Variants in SMAD2 observed in about 807,000 individuals in gnomAD.
SMAD2 encodes the protein MAD homolog 2.
A neutral mutation model predicts 64.4 loss-of-function variants in SMAD2; 8 were observed. The observed-to-expected ratio is 0.12, with a 90% CI of 0.07 to 0.22. The LOEUF is 0.22. SMAD2 is among the 10% of genes least tolerant of loss of function. SMAD2 has a pLI of 1.00. For synonymous variants in SMAD2, 203 were observed against 195.8 expected, an observed-to-expected ratio of 1.04 and a Z score of -0.31; for missense variants, 289 against 561.2, an observed-to-expected ratio of 0.51 and a Z score of 4.90.
At chr18:47,869,166 G>T in intron 4 of SMAD2, 77 bp downstream of exon 4, 1 of 1,035,652 alleles carries the variant, frequency 9.7e-7, no homozygotes, top group African/African-American at 1.6e-5. Flanking sequence ...AATTTTCCTG[G>T]GTCACAAGAG....
intron 2 of SMAD2, among the ~76,000 whole-genome samples, chr18:47,894,807 G>A (rs1323274128): frequency 1.3e-5 from 2 of 152,114 alleles, no homozygotes; most frequent in African/African-American, 2.4e-5. Flanking sequence ...GAGCACACCA[G>A]GCACATAGTG....
At chr18:47,912,981 G>A (rs931948894) in intron 1 of SMAD2, among the ~76,000 whole-genome samples, 17 of 151,098 alleles carry the variant, frequency 1.1e-4, no homozygotes, top group South Asian at 2.1e-4. Flanking sequence ...GTGCAATGGC[G>A]TGACCTCAGC....
At chr18:47,850,200 A>G (rs1337584473) in intron 7 of SMAD2, among the ~76,000 whole-genome samples, 2 of 95,118 alleles carry the variant, frequency 2.1e-5, no homozygotes, top group African/African-American at 4.3e-5. Flanking sequence ...TATATAGTAT[A>G]TATATATTAT....
chr18:47,847,700 CAAA>C (rs58794971), intron 8 of SMAD2, among the ~76,000 whole-genome samples: 21 of 111,932 alleles, frequency 1.9e-4, no homozygotes, highest in African/African-American at 7.4e-4. Context: ...ATTTCCAAAG[CAAA>C]AAAAAAAAAA....
rs143906994 is a variant in SMAD2, at chr18:47,923,335, G to C, written c.-54+7026C>G. On this transcript the variant is annotated intron_variant, in intron 1 of 10. Transcript: ENST00000262160. ...ACTAATACCACGTCAATTCACGTGA[G>C]TGGGGTCCTCAGGCCATAAAAGCTC... 8.4e-3 allele frequency among the ~76,000 whole-genome samples: 1,273 copies of C among 152,294 alleles called. 8 individuals are homozygous for C. Among genetic ancestry groups the C allele is most frequent in the African/African-American group, 0.029 (1,216 of 41,530 alleles).
rs752903035 is a variant in SMAD2, at chr18:47,868,314, C to T, written c.655+9G>A. On this transcript the variant is annotated intron_variant, in intron 5 of 10. Transcript: ENST00000262160. ...TCCAAGTTTTAGGAGATTCAGAAGG[C>T]AAAAATACCTGGAATATAATTACTC... 6.2e-7 allele frequency: 1 copy of T among 1,611,912 alleles called. No individual in the cohort carries two copies. Among genetic ancestry groups the T allele is most frequent in the South Asian group, 1.1e-5 (1 of 91,028 alleles).
chr18:47,906,076 T>C (rs955672151), intron 1 of SMAD2, among the ~76,000 whole-genome samples: 3 of 151,316 alleles, frequency 2.0e-5, no homozygotes, highest in African/African-American at 4.9e-5. Context: ...GATCACTCCA[T>C]TGCACTCCAG....
intron 2 of SMAD2, among the ~76,000 whole-genome samples, chr18:47,872,941 G>A (rs1377942569): frequency 3.9e-5 from 6 of 151,996 alleles, no homozygotes; most frequent in South Asian, 2.1e-4. Flanking sequence ...GGCTTACTGC[G>A]GCCTTGACCT....
chr18:47,879,361 C>A (rs930819538), intron 2 of SMAD2, among the ~76,000 whole-genome samples: 1 of 152,112 alleles, frequency 6.6e-6, no homozygotes, highest in African/African-American at 2.4e-5. Context: ...CAGAGGCAAC[C>A]ACTAATCTGA....
chr18:47,885,372 T>G (rs1463463638), intron 2 of SMAD2, among the ~76,000 whole-genome samples: 1 of 152,132 alleles, frequency 6.6e-6, no homozygotes, highest in Non-Finnish European at 1.5e-5. Context: ...TTCACTATGT[T>G]GGCCAGGCTG....
chr18:47,901,825 CTTTGTT>C (rs1189744386), intron 1 of SMAD2, among the ~76,000 whole-genome samples: 1 of 152,108 alleles, frequency 6.6e-6, no homozygotes, highest in Non-Finnish European at 1.5e-5. Context: ...ATAAGAATTG[CTTTGTT>C]TTTAAGAGAC....
chr18:47,864,859 G>A (rs2031444085), intron 6 of SMAD2, among the ~76,000 whole-genome samples, 200 bp downstream of exon 6: 1 of 152,164 alleles, frequency 6.6e-6, no homozygotes, highest in Non-Finnish European at 1.5e-5. Context: ...TTATTCTGCA[G>A]AGTAGCATAC....
At chr18:47,866,316 C>CAAAAAAAAAAA (rs34302955) in intron 5 of SMAD2, among the ~76,000 whole-genome samples, 15 of 42,094 alleles carry the variant, frequency 3.6e-4, no homozygotes, top group African/African-American at 1.3e-3. Context: ...AACACCGTCT[C>CAAAAAAAAAAA]AAAAAAAAAA....
In SMAD2 at chr18:47,930,641, A is replaced by AG. The variant is rs1191537609; in HGVS notation, c.-335dup. Reference sequence around the variant, plus strand: ...GCCTGGCCGCCGCCCGCGGGGAAGGAGGGGGTGAGGACGCGCGCGCCCGCG... The same window carrying AG: ...GCCTGGCCGCCGCCCGCGGGGAAGGAGGGGGGTGAGGACGCGCGCGCCCGCG... On this transcript the variant is annotated 5_prime_UTR_variant, in exon 1 of 11. Coordinates refer to ENST00000262160, the MANE Select transcript of SMAD2 (RefSeq NM_005901.6). The AG allele has an allele frequency of 2.0e-5, 3 of 148,564 alleles. No homozygotes were observed. The highest frequency in any genetic ancestry group is 7.5e-5 in the African/African-American group (3 of 40,160). 9.2% of individuals were successfully genotyped at this position (148,564 alleles called of 1,614,324 possible). A position where few individuals can be genotyped will look rare whatever the true frequency, so the allele number is the denominator to read the frequency against.
At chr18:47,858,158 GA>G (rs140092624) in intron 6 of SMAD2, among the ~76,000 whole-genome samples, 14 of 151,742 alleles carry the variant, frequency 9.2e-5, no homozygotes, top group East Asian at 7.7e-4. Context: ...GATGGAGGGG[GA>G]AAAAAATGAC....
At position 47,827,632 on chromosome 18, in the gene SMAD2, C is replaced by T. The variant is rs899478198; in HGVS notation, c.*14195G>A. 7 of 158,158 alleles carry T rather than the reference C, an allele frequency of 4.4e-5. No homozygotes were observed. The highest frequency in any genetic ancestry group is 1.2e-4 in the African/African-American group (5 of 41,518). 9.8% of individuals were successfully genotyped at this position (158,158 alleles called of 1,614,324 possible). ...AGTGCCTGGGATTGCAGACGCGCGCCGCCACGCCTGACTGGTTTTTGTATT... is the reference window on the plus strand; with the variant it reads ...AGTGCCTGGGATTGCAGACGCGCGCTGCCACGCCTGACTGGTTTTTGTATT... On this transcript the variant is annotated 3_prime_UTR_variant, in exon 11 of 11. Coordinates refer to ENST00000262160, the MANE Select transcript of SMAD2 (RefSeq NM_005901.6).
intron 6 of SMAD2, among the ~76,000 whole-genome samples, chr18:47,859,398 T>C (rs2030988880): frequency 6.6e-6 from 1 of 152,196 alleles, no homozygotes; most frequent in African/African-American, 2.4e-5. Flanking sequence ...TATGGAACTC[T>C]TATCAAGATA....
At chr18:47,918,148 C>T (rs968718885) in intron 1 of SMAD2, among the ~76,000 whole-genome samples, 1 of 152,188 alleles carries the variant, frequency 6.6e-6, no homozygotes. Flanking sequence ...TAGATTTCCG[C>T]CCCTACTGTC....
At position 47,896,732 on chromosome 18, in the gene SMAD2, G is replaced by A; in HGVS notation, c.25C>T (p.Pro9Ser). The A allele has an allele frequency of 6.2e-7, 1 of 1,613,986 alleles. No individual in the cohort carries two copies. The highest frequency in any genetic ancestry group is 8.5e-7 in the Non-Finnish European group (1 of 1,179,968). ...CCCAGCAGTCTCTTCACAACTGGCG[G>A]CGTGAATGGCAAGATGGACGACATG... is the stretch of plus-strand genomic sequence containing the variant. MSSILPFTPPVVKRLLGWK... is the reference protein window; with the variant it reads MSSILPFTSPVVKRLLGWK... Residue 9 changes from proline to serine, a missense_variant, in exon 2 of 11, where the codon CCG (proline) becomes TCG (serine). This residue lies in a region of SMAD2 where 89 missense variants were observed against 137.1 expected (regional missense o/e 0.65). Coordinates refer to ENST00000262160, the MANE Select transcript of SMAD2 (RefSeq NM_005901.6).
Sources: gnomAD v4.1 joint callset for allele counts (sites outside exome capture counted in the v4.1 genomes callset) on GRCh38, gnomAD v4.1.1 for gene constraint, gnomAD v4.1.1 regional missense constraint, MANE v1.5 for transcripts, NCBI Gene and HGNC (gene_info 2026-07-23, HGNC 2026-07-21) for gene names.